The following ARHGAP26 variants were observed in gnomAD, a reference collection of about 807,000 sequenced individuals.
ARHGAP26 encodes the protein rho GTPase-activating protein 26.
ARHGAP26 carries 38 observed loss-of-function variants against 104.8 expected under a neutral mutation model. The observed-to-expected ratio is 0.36, with a 90% CI of 0.28 to 0.48. The LOEUF (loss-of-function observed/expected upper bound fraction) is 0.48. ARHGAP26 is among the 20% of genes least tolerant of loss of function. ARHGAP26 has a pLI of 0.99. For synonymous variants in ARHGAP26, 341 were observed against 340.0 expected, an observed-to-expected ratio of 1.00 and a Z score of -0.03; for missense variants, 704 against 947.9, an observed-to-expected ratio of 0.74 and a Z score of 3.38.
chr5:143,014,303 C>A, intron 12 of ARHGAP26, 187 bp downstream of exon 12: 5 of 635,552 alleles, frequency 7.9e-6, no homozygotes, highest in Non-Finnish European at 1.4e-5. Context: ...GGTAAGTGAG[C>A]CTGGCTGGCA....
At chr5:143,209,315 A>G (rs141362717) in intron 21 of ARHGAP26, among the ~76,000 whole-genome samples, 157 of 151,864 alleles carry the variant, frequency 1.0e-3, no homozygotes, top group East Asian at 5.2e-3. Flanking sequence ...TTTCCTTCCT[A>G]CTTCTTCCTA....
intron 20 of ARHGAP26, among the ~76,000 whole-genome samples, chr5:143,157,856 T>C (rs1419555490): frequency 1.3e-5 from 2 of 152,222 alleles, no homozygotes; most frequent in Non-Finnish European, 2.9e-5. Context: ...AAAGCCTGTG[T>C]GGCCTGATTG....
Position 142,907,737 on chromosome 5 carries a change from G to A in ARHGAP26, c.866G>A (p.Cys289Tyr). Residue 289 changes from cysteine to tyrosine, a missense_variant, in exon 9 of 23, where the codon TGT (cysteine) becomes TAT (tyrosine). Cys to Tyr is a radical substitution (Grantham distance 194). Transcript: ENST00000645722. ...HFGTSWVKHY[C>Y]TYQRDSKQIT... ...GGAACTTCTTGGGTGAAGCACTACT[G>A]TACATATCAACGGGATTCCAAACAA... 6.2e-7 allele frequency: 1 copy of A among 1,611,498 alleles called. No homozygotes were observed. The highest frequency in any genetic ancestry group is 8.5e-7 in the Non-Finnish European group (1 of 1,178,314).
intron 14 of ARHGAP26, among the ~76,000 whole-genome samples, chr5:143,044,298 C>T (rs1446331503): frequency 6.6e-6 from 1 of 152,090 alleles, no homozygotes; most frequent in Non-Finnish European, 1.5e-5. Context: ...TCCTTTGCCC[C>T]TTCCTTCTTC....
intron 7 of ARHGAP26, among the ~76,000 whole-genome samples, chr5:142,902,578 G>T (rs571043837): frequency 1.3e-5 from 2 of 152,246 alleles, no homozygotes; most frequent in African/African-American, 4.8e-5. Flanking sequence ...AGAATCCTGC[G>T]TAGGGCTTTT....
chr5:143,050,613 T>C (rs561103871), intron 14 of ARHGAP26, among the ~76,000 whole-genome samples: 73 of 152,300 alleles, frequency 4.8e-4, no homozygotes, highest in African/African-American at 1.6e-3. Context: ...ATCAAAATGC[T>C]TTATGATGAT....
At chr5:142,946,573 A>G (rs981693067) in intron 11 of ARHGAP26, 1 of 152,230 alleles carries the variant, frequency 6.6e-6, no homozygotes, top group Non-Finnish European at 1.5e-5. Context: ...TTCTCCAAAA[A>G]CCAGAAAGTG....
At chr5:142,851,732 C>T (rs556169579) in intron 1 of ARHGAP26, among the ~76,000 whole-genome samples, 13 of 152,338 alleles carry the variant, frequency 8.5e-5, no homozygotes, top group East Asian at 1.9e-4. Context: ...CTTTCTCCCA[C>T]GTGCTGGCCT....
intron 1 of ARHGAP26, among the ~76,000 whole-genome samples, chr5:142,809,010 G>A (rs113037196): frequency 0.018 from 2,738 of 152,276 alleles, 82 homozygotes; most frequent in African/African-American, 0.062. Context: ...ATAAGTGCCT[G>A]TATGGCTGGC....
chr5:143,067,983 G>GTGAA (rs1787749131), intron 17 of ARHGAP26, among the ~76,000 whole-genome samples: 1 of 152,096 alleles, frequency 6.6e-6, no homozygotes, highest in African/African-American at 2.4e-5. Context: ...GGCCAACATG[G>GTGAA]TGAAACCCCA....
Position 143,226,509 on chromosome 5 carries a change from A to G in ARHGAP26, c.*4063A>G, listed in dbSNP as rs887204145. 1 of 183,066 alleles carries G rather than the reference A, an allele frequency of 5.5e-6. No homozygotes were observed. Among genetic ancestry groups the G allele is most frequent in the Non-Finnish European group, 1.1e-5 (1 of 88,308 alleles). 11.3% of individuals were successfully genotyped at this position (183,066 alleles called of 1,614,324 possible). A position where few individuals can be genotyped will look rare whatever the true frequency, so the allele number is the denominator to read the frequency against. On this transcript the variant is annotated 3_prime_UTR_variant, in exon 23 of 23. Coordinates refer to ENST00000645722, the MANE Select transcript of ARHGAP26 (RefSeq NM_001135608.3). ...GGAAAAAAAAAAAAAAAAAAAAAGA[A>G]TGCCATGCCAGGAGAAGACAGCTGG...
At chr5:142,882,510 G>T (rs1442134534) in intron 4 of ARHGAP26, among the ~76,000 whole-genome samples, 1 of 152,240 alleles carries the variant, frequency 6.6e-6, no homozygotes, top group Non-Finnish European at 1.5e-5. Flanking sequence ...TCATGAAGTA[G>T]CTGGGGTGAA....
rs73796679 is a variant in ARHGAP26, at chr5:142,945,801, A to G, written c.1107+13676A>G. Among the ~76,000 whole-genome samples, 71 of 152,358 alleles carry G rather than the reference A, an allele frequency of 4.7e-4. 1 individual carries two copies. The highest frequency in any genetic ancestry group is 1.6e-3 in the African/African-American group (65 of 41,582). On this transcript the variant is annotated intron_variant, in intron 11 of 22. Coordinates refer to ENST00000645722, the MANE Select transcript of ARHGAP26 (RefSeq NM_001135608.3). ...AGTACAATGATCAGACCTGGAAATTAACACTGATACAATATTATTATCTAT... is the reference window on the plus strand; with the variant it reads ...AGTACAATGATCAGACCTGGAAATTGACACTGATACAATATTATTATCTAT...
At chr5:142,876,001 C>T (rs1050334183) in intron 3 of ARHGAP26, among the ~76,000 whole-genome samples, 2 of 152,202 alleles carry the variant, frequency 1.3e-5, no homozygotes, top group African/African-American at 4.8e-5. Flanking sequence ...CCTTGCCTCT[C>T]AAAATGCTGG....
At chr5:143,098,504 C>G (rs1384911290) in intron 17 of ARHGAP26, among the ~76,000 whole-genome samples, 1 of 152,114 alleles carries the variant, frequency 6.6e-6, no homozygotes, top group Non-Finnish European at 1.5e-5. Flanking sequence ...TCAATCTACC[C>G]TCAAAAGCTA....
At chr5:143,139,537 T>TG (rs1183275725) in intron 19 of ARHGAP26, among the ~76,000 whole-genome samples, 1 of 152,162 alleles carries the variant, frequency 6.6e-6, no homozygotes, top group Non-Finnish European at 1.5e-5. Flanking sequence ...CAGGGCTACA[T>TG]GGGGGCAGTT....
chr5:142,878,407 T>A (rs1180650811), intron 3 of ARHGAP26, among the ~76,000 whole-genome samples: 1 of 152,198 alleles, frequency 6.6e-6, no homozygotes, highest in Admixed American at 6.5e-5. Flanking sequence ...AATCAAGAAT[T>A]AATCCATTCA....
chr5:143,135,541 A>G (rs1284987830), intron 19 of ARHGAP26, among the ~76,000 whole-genome samples: 1 of 152,122 alleles, frequency 6.6e-6, no homozygotes, highest in African/African-American at 2.4e-5. Flanking sequence ...TTGTATTTCT[A>G]AAGTAGTGGC....
rs375602349 is a variant in ARHGAP26, at chr5:143,041,722, G to GC, written c.1211-94_1211-93insC. 1.1e-5 allele frequency: 7 copies of GC among 643,016 alleles called. No homozygotes were observed. In the Admixed American group the frequency reaches 2.2e-4, roughly 20 times the overall value. 39.8% of individuals were successfully genotyped at this position (643,016 alleles called of 1,614,324 possible). On this transcript the variant is annotated intron_variant, in intron 13 of 22. Coordinates refer to ENST00000645722, the MANE Select transcript of ARHGAP26 (RefSeq NM_001135608.3). ...CAGCTTTTAGGAGGACTGAGAAAAT[G>GC]AAAAAAAAAAAAAAAAAAAGTGCAT... is the stretch of plus-strand genomic sequence containing the variant.
Sources: gnomAD v4.1 joint callset for allele counts (sites outside exome capture counted in the v4.1 genomes callset) on GRCh38, gnomAD v4.1.1 for gene constraint, MANE v1.5 for transcripts, NCBI Gene and HGNC (gene_info 2026-07-23, HGNC 2026-07-21) for gene names.